EXOSC7: variants seen among roughly 807,000 people sequenced by gnomAD.
EXOSC7 encodes the protein exosome complex component RRP42.
In EXOSC7, 25 loss-of-function variants were observed where a neutral mutation model predicts 34.3. That is an observed-to-expected ratio of 0.73 (90% confidence interval 0.53 to 1.02). EXOSC7 has a LOEUF of 1.02. Among genes scored for constraint, EXOSC7 ranks in the 50% least tolerant of loss-of-function variants. The probability of loss-of-function intolerance (pLI) is 0.00; values close to 1 mark genes in which losing one functional copy is unlikely to be tolerated. For missense variants in EXOSC7, 370 were observed against 368.5 expected (o/e 1.00, Z -0.03); for synonymous variants, 130 against 143.0 (o/e 0.91, Z 0.65).
At chr3:44,985,833 TAGAC>T (rs754644405) in intron 1 of EXOSC7, among the ~76,000 whole-genome samples, 3 of 152,110 alleles carry the variant, frequency 2.0e-5, no homozygotes, top group South Asian at 2.1e-4. Context: ...AGTGGTCTGT[TAGAC>T]AGGGTGCTGA....
chr3:44,979,945 G>C (rs976206589), intron 1 of EXOSC7, among the ~76,000 whole-genome samples: 2 of 147,528 alleles, frequency 1.4e-5, no homozygotes, highest in Middle Eastern at 3.2e-3. Flanking sequence ...AGAGCAGTAT[G>C]GGGGGGGTTT....
chr3:44,983,864 T>TA (rs1472309254), intron 1 of EXOSC7, among the ~76,000 whole-genome samples: 1 of 117,670 alleles, frequency 8.5e-6, no homozygotes, highest in East Asian at 6.7e-4. Flanking sequence ...AAAACTGGGT[T>TA]TAAAAAAAAA....
At chr3:45,009,712 A>AT (rs914286502) in intron 7 of EXOSC7, among the ~76,000 whole-genome samples, 2 of 151,660 alleles carry the variant, frequency 1.3e-5, no homozygotes, top group African/African-American at 2.4e-5. Context: ...CTCCCAGTTA[A>AT]TTTTTTTGTA....
rs1706998827 is a variant in EXOSC7 at position 45,005,192 on chromosome 3, T to C, written c.492-99T>C. On this transcript the variant is annotated intron_variant, in intron 5 of 7. Coordinates refer to ENST00000265564, the MANE Select transcript of EXOSC7 (RefSeq NM_015004.4). ...AAAGAATAGGCATAGCGTGTCTTTC[T>C]CTTGTGAGACACAGGGATTCCAACT... The C allele has an allele frequency of 2.9e-6, 4 of 1,395,210 alleles. No homozygotes were observed. In the African/African-American group the frequency reaches 4.3e-5, roughly 15 times the overall value. The allele number at this position is 1,395,210 out of a possible 1,614,324, so 86.4% of individuals were successfully genotyped here. A position where few individuals can be genotyped will look rare whatever the true frequency, so the allele number is the denominator to read the frequency against.
chr3:44,995,230 G>A (rs150929307), intron 3 of EXOSC7, among the ~76,000 whole-genome samples: 8,327 of 152,228 alleles, frequency 0.055, 305 homozygotes, highest in Non-Finnish European at 0.084. Context: ...TGATCCACCC[G>A]CCTTGGCCTC....
chr3:45,006,017 A>G (rs1009344860), intron 6 of EXOSC7, among the ~76,000 whole-genome samples: 2 of 147,860 alleles, frequency 1.4e-5, no homozygotes, highest in African/African-American at 5.0e-5. Context: ...CTTCATGAAC[A>G]GGATGTGGTG....
At chr3:44,988,921 G>A (rs376011088) in intron 1 of EXOSC7, among the ~76,000 whole-genome samples, 22 of 152,186 alleles carry the variant, frequency 1.4e-4, no homozygotes, top group African/African-American at 5.1e-4. Flanking sequence ...TTCACTAGCT[G>A]TAGGACCTTG....
intron 1 of EXOSC7, among the ~76,000 whole-genome samples, chr3:44,987,796 C>T (rs777392047): frequency 6.6e-6 from 1 of 152,122 alleles, no homozygotes; most frequent in Admixed American, 6.5e-5. Context: ...TGAACAAATA[C>T]AGAAATACAT....
chr3:44,983,301 C>A (rs1350385441), intron 1 of EXOSC7, among the ~76,000 whole-genome samples: 1 of 152,142 alleles, frequency 6.6e-6, no homozygotes, highest in Non-Finnish European at 1.5e-5. Context: ...TAATGCATGC[C>A]CCCAGAAGCA....
chr3:44,983,335 G>C (rs574673909), intron 1 of EXOSC7, among the ~76,000 whole-genome samples: 2 of 152,230 alleles, frequency 1.3e-5, no homozygotes, highest in East Asian at 1.9e-4. Context: ...GCTTTGGGGG[G>C]ACTCCTATGT....
chr3:44,988,580 A>G (rs1237560735), intron 1 of EXOSC7, among the ~76,000 whole-genome samples: 3 of 152,208 alleles, frequency 2.0e-5, no homozygotes, highest in Admixed American at 6.5e-5. Context: ...GGGCATGGCT[A>G]TGTTCCAGTA....
At position 45,011,278 on chromosome 3, in the gene EXOSC7, G is replaced by C. The variant is rs1707203982; in HGVS notation, c.815G>C (p.Ser272Thr). ...AAGGTACTGCATGCCTCCTTGCAGAGTGTTGTGCACAAGGAAGAAAGCCTG... is the reference window on the plus strand; with the variant it reads ...AAGGTACTGCATGCCTCCTTGCAGACTGTTGTGCACAAGGAAGAAAGCCTG... Reference protein sequence around the residue: ...VGKVLHASLQSVVHKEESLGP... With the variant: ...VGKVLHASLQTVVHKEESLGP... Residue 272 changes from serine to threonine, a missense_variant, in exon 8 of 8, where the codon AGT becomes ACT. Ser to Thr is a moderately conservative substitution (Grantham distance 58, BLOSUM62 1). Transcript: ENST00000265564. 6.2e-7 allele frequency: 1 copy of C among 1,613,542 alleles called. No individual in the cohort carries two copies. Among genetic ancestry groups the C allele is most frequent in the African/African-American group, 1.3e-5 (1 of 74,896 alleles).
chr3:45,005,882 A>G (rs1707023355), intron 6 of EXOSC7, among the ~76,000 whole-genome samples: 1 of 152,082 alleles, frequency 6.6e-6, no homozygotes, highest in Non-Finnish European at 1.5e-5. Context: ...ATATATAACT[A>G]ATGCTGCCCC....
intron 2 of EXOSC7, 73 bp from the exon 3 acceptor site, chr3:44,989,477 C>A: frequency 1.6e-6 from 2 of 1,245,762 alleles, no homozygotes; most frequent in Non-Finnish European, 1.2e-6. Flanking sequence ...GGTGTATGTC[C>A]AGAAGAGGAG....
At position 44,976,315 on chromosome 3, in the gene EXOSC7, A is replaced by G; in HGVS notation, c.38A>G (p.Tyr13Cys). The G allele has an allele frequency of 1.9e-6, 3 of 1,570,222 alleles. No individual in the cohort carries two copies. The highest frequency in any genetic ancestry group is 1.7e-6 in the Non-Finnish European group (2 of 1,164,154). The change falls in exon 1 of 8, where the codon TAC (tyrosine) becomes TGC (cysteine). Residue 13 changes from tyrosine (Y) to cysteine (C), a missense_variant. This residue lies in a region of EXOSC7 where 95 missense variants were observed against 79.8 expected (regional missense o/e 1.19). Coordinates refer to ENST00000265564, the MANE Select transcript of EXOSC7 (RefSeq NM_015004.4). ...ACGCTGAGCGAGGCGGAGAAGGTGT[A>G]CATCGTGCATGGCGTCCAGGTAGCT... Reference protein sequence around the residue: ...SVTLSEAEKVYIVHGVQEDLR... With the variant: ...SVTLSEAEKVCIVHGVQEDLR...
rs1285114573 is a variant in EXOSC7, at chr3:44,989,610, C to A, written c.220C>A (p.Pro74Thr). The A allele has an allele frequency of 6.2e-7, 1 of 1,613,882 alleles. No individual in the cohort carries two copies. The highest frequency in any genetic ancestry group is 8.5e-7 in the Non-Finnish European group (1 of 1,179,932). Residue 74 changes from proline (P) to threonine (T), a missense_variant, in exon 3 of 8, where the codon CCA becomes ACA. Physicochemically the swap from Pro to Thr is conservative, Grantham distance 38. This residue lies in a region of EXOSC7 where 20 missense variants were observed against 42.2 expected (regional missense o/e 0.47). Transcript: ENST00000265564. The stretch of plus-strand genomic sequence containing the variant: ...AATGGGGACGCCGAAGCTGGAGAAA[C>A]CAAATGAAGGCTACTTGGAGTTCTT... ...AEMGTPKLEK[P>T]NEGYLEFFVD...
intron 3 of EXOSC7, among the ~76,000 whole-genome samples, chr3:44,992,463 A>G (rs1706599223): frequency 6.6e-6 from 1 of 152,212 alleles, no homozygotes; most frequent in African/African-American, 2.4e-5. Flanking sequence ...GAGCCAAGAT[A>G]GACACTGTCG....
At chr3:44,991,992 G>A (rs971764297) in intron 3 of EXOSC7, among the ~76,000 whole-genome samples, 5 of 152,170 alleles carry the variant, frequency 3.3e-5, no homozygotes, top group Non-Finnish European at 1.5e-5. Context: ...AGATGGGAGA[G>A]GTTACCAAGC....
downstream of EXOSC7, chr3:45,011,574 C>A: frequency 2.9e-6 from 1 of 342,886 alleles, no homozygotes; most frequent in Non-Finnish European, 5.2e-6. Context: ...ATCCAGAGCT[C>A]TGCCACCAAG....
Sources: allele counts gnomAD v4.1 joint callset (sites outside exome capture counted in the v4.1 genomes callset), GRCh38; gene constraint gnomAD v4.1.1; regional missense constraint gnomAD v4.1.1; transcripts MANE v1.5; gene names NCBI Gene and HGNC (gene_info 2026-07-23, HGNC 2026-07-21).